Variants in CPAP observed in about 807,000 individuals in gnomAD.
The protein encoded by CPAP is centrosomal P4.1-associated protein.
At chr13:24,911,578 G>A in the CPAP span, among the ~76,000 whole-genome samples, 4 of 151,968 alleles carry the variant, frequency 2.6e-5, no homozygotes, top group African/African-American at 7.3e-5. Flanking sequence ...TCTGTTGCCC[G>A]GCTGGAATGC....
chr13:24,884,322 C>T, the CPAP span: 3 of 1,614,130 alleles, frequency 1.9e-6, no homozygotes, highest in Non-Finnish European at 2.5e-6. Context: ...TGGAAACATA[C>T]CACTCTTTGG....
chr13:24,903,540 C>T, the CPAP span, among the ~76,000 whole-genome samples: 2 of 152,180 alleles, frequency 1.3e-5, no homozygotes, highest in Non-Finnish European at 2.9e-5. Context: ...TGCTGATGCC[C>T]GGACTTTGGA....
the CPAP span, chr13:24,906,002 T>C: frequency 1.2e-6 from 2 of 1,614,198 alleles, no homozygotes; most frequent in Middle Eastern, 1.6e-4. Context: ...AGTGCTCTTT[T>C]GGACGGCTTT....
chr13:24,928,658 G>T, the CPAP span, among the ~76,000 whole-genome samples: 1 of 152,156 alleles, frequency 6.6e-6, no homozygotes, highest in Non-Finnish European at 1.5e-5. Flanking sequence ...TCGAATTCCT[G>T]ACCTCAGGTG....
the CPAP span, among the ~76,000 whole-genome samples, chr13:24,888,893 T>A: frequency 2.0e-5 from 3 of 152,228 alleles, no homozygotes; most frequent in Non-Finnish European, 4.4e-5. Flanking sequence ...ACAGGGTGAG[T>A]GTCCCTTATC....
the CPAP span, chr13:24,899,649 G>A: frequency 1.3e-5 from 17 of 1,287,168 alleles, no homozygotes; most frequent in African/African-American, 2.2e-4. Flanking sequence ...TGCAGAACCT[G>A]CTGACAGGCT....
the CPAP span, chr13:24,933,187 GAAC>G: frequency 9.9e-6 from 13 of 1,309,318 alleles, no homozygotes; most frequent in African/African-American, 1.5e-5. Context: ...CGCATTCAGG[GAAC>G]AACAGGGTCA....
At chr13:24,926,439 A>AG in the CPAP span, among the ~76,000 whole-genome samples, 1 of 152,176 alleles carries the variant, frequency 6.6e-6, no homozygotes, top group South Asian at 2.1e-4. Context: ...GGAGCAAGTG[A>AG]GGGGAAATCT....
At chr13:24,931,226 C>T in the CPAP span, among the ~76,000 whole-genome samples, 33 of 151,202 alleles carry the variant, frequency 2.2e-4, no homozygotes, top group African/African-American at 6.6e-4. Flanking sequence ...TCTTATAATT[C>T]CTGTATCTGC....
chr13:24,902,234 G>A, the CPAP span, among the ~76,000 whole-genome samples: 3 of 41,628 alleles, frequency 7.2e-5, no homozygotes, highest in African/African-American at 1.9e-4. Flanking sequence ...TAGGGAAAAT[G>A]CTAAAAAAAA....
At chr13:24,891,043 T>C in the CPAP span, among the ~76,000 whole-genome samples, 3 of 151,840 alleles carry the variant, frequency 2.0e-5, no homozygotes, top group Admixed American at 6.6e-5. Context: ...AAAGCTGTTA[T>C]CCGCTCCCAG....
the CPAP span, among the ~76,000 whole-genome samples, chr13:24,887,669 GTAA>G: frequency 0.18 from 27,596 of 152,042 alleles, 2,686 homozygotes; most frequent in South Asian, 0.32. Context: ...ACATTACAAT[GTAA>G]TAATATTAGA....
chr13:24,899,403 T>C, the CPAP span: 20 of 1,599,284 alleles, frequency 1.3e-5, no homozygotes, highest in Non-Finnish European at 1.6e-5. Flanking sequence ...GAATATAACA[T>C]AAAGAACTAG....
chr13:24,893,144 G>A, the CPAP span, among the ~76,000 whole-genome samples: 5 of 152,160 alleles, frequency 3.3e-5, no homozygotes, highest in Admixed American at 6.6e-5. Context: ...CAAGAGGTAG[G>A]AAAGACCTCA....
At chr13:24,908,550 G>A in the CPAP span, among the ~76,000 whole-genome samples, 4 of 151,434 alleles carry the variant, frequency 2.6e-5, no homozygotes, top group Non-Finnish European at 5.9e-5. Flanking sequence ...CCAAGATGGT[G>A]CCACTGGACT....
At chr13:24,925,631 A>C in the CPAP span, among the ~76,000 whole-genome samples, 106 of 152,292 alleles carry the variant, frequency 7.0e-4, no homozygotes, top group African/African-American at 2.4e-3. Flanking sequence ...GGAGGACATC[A>C]GGGCTAGCCT....
At chr13:24,928,869 G>C in the CPAP span, among the ~76,000 whole-genome samples, 1 of 152,162 alleles carries the variant, frequency 6.6e-6, no homozygotes, top group Non-Finnish European at 1.5e-5. Flanking sequence ...GTACAACAAA[G>C]GGATGATCAC....
At chr13:24,908,235 T>C in the CPAP span, 4 of 733,644 alleles carry the variant, frequency 5.5e-6, no homozygotes, top group African/African-American at 5.3e-5. Context: ...TTAAAAGTAA[T>C]GTATATCACA....
At chr13:24,889,512 C>G in the CPAP span, 1 of 772,574 alleles carries the variant, frequency 1.3e-6, no homozygotes, top group Non-Finnish European at 2.2e-6. Flanking sequence ...TTTGTTTATT[C>G]ATATTGTTTT....
Sources: allele counts gnomAD v4.1 joint callset (sites outside exome capture counted in the v4.1 genomes callset), GRCh38; gene constraint gnomAD v4.1.1; transcripts MANE v1.5; gene names NCBI Gene and HGNC (gene_info 2026-07-23, HGNC 2026-07-21).